TGFB2: variants seen among roughly 807,000 people sequenced by gnomAD.
The protein encoded by TGFB2 is transforming growth factor beta-2 proprotein.
In TGFB2, 13 loss-of-function variants were observed where a neutral mutation model predicts 42.7. The observed-to-expected ratio is 0.30, with a 90% CI of 0.20 to 0.48. The LOEUF is 0.48. Among genes scored for constraint, TGFB2 ranks in the 20% least tolerant of loss-of-function variants. TGFB2 has a pLI of 0.99. For synonymous variants in TGFB2, 193 were observed against 193.6 expected, an observed-to-expected ratio of 1.00 and a Z score of 0.03; for missense variants, 390 against 517.5, an observed-to-expected ratio of 0.75 and a Z score of 2.39.
At chr1:218,412,851 A>T (rs1659145115) in intron 2 of TGFB2, among the ~76,000 whole-genome samples, 1 of 152,204 alleles carries the variant, frequency 6.6e-6, no homozygotes, top group Non-Finnish European at 1.5e-5. Context: ...GCTTCAGAGC[A>T]CTGAATAAAG....
Position 218,368,366 on chromosome 1 carries a change from A to C in TGFB2, c.346+21319A>C, listed in dbSNP as rs146917155. Among the ~76,000 whole-genome samples the C allele has an allele frequency of 8.8e-3, 1,296 of 146,620 alleles. 18 individuals carry two copies. The highest frequency in any genetic ancestry group is 0.031 in the African/African-American group (1,224 of 39,624). On this transcript the variant is annotated intron_variant, in intron 1 of 6. Coordinates refer to ENST00000366930, the MANE Select transcript of TGFB2 (RefSeq NM_003238.6). ...TGGCCCCACTGGTCTCGAACTCCTA[A>C]ACTCAGGTGATCCACCCACCTTGGC...
At chr1:218,430,993 T>C (rs150914288) in intron 2 of TGFB2, among the ~76,000 whole-genome samples, 4 of 152,340 alleles carry the variant, frequency 2.6e-5, no homozygotes, top group African/African-American at 9.6e-5. Context: ...TGTTTCCTGT[T>C]TCCACTAAGG....
Position 218,352,478 on chromosome 1 carries a change from C to T in TGFB2, c.346+5431C>T, listed in dbSNP as rs1656901828. 2.0e-5 allele frequency among the ~76,000 whole-genome samples: 3 copies of T among 152,138 alleles called. No individual in the cohort carries two copies. The South Asian group carries it at 6.2e-4, about 32-fold the overall frequency. On this transcript the variant is annotated intron_variant, in intron 1 of 6. Coordinates refer to ENST00000366930, the MANE Select transcript of TGFB2 (RefSeq NM_003238.6). ...TTTTAACCTGGGAATTCAACGTTCT[C>T]CAGGTATTTTATTTTAGATTTAATA... is the stretch of plus-strand genomic sequence containing the variant.
At chr1:218,438,008 T>C (rs760317367) in intron 6 of TGFB2, among the ~76,000 whole-genome samples, 4 of 152,180 alleles carry the variant, frequency 2.6e-5, no homozygotes, top group Admixed American at 6.5e-5. Context: ...CTCTTCTAGT[T>C]ACTTTAAAAT....
chr1:218,435,311 G>A (rs1378877698), intron 4 of TGFB2, among the ~76,000 whole-genome samples: 2 of 152,222 alleles, frequency 1.3e-5, no homozygotes, highest in Non-Finnish European at 2.9e-5. Context: ...ATTCTCTGGA[G>A]TGTGGAGATT....
chr1:218,400,356 C>T (rs1658674239), intron 1 of TGFB2, among the ~76,000 whole-genome samples: 2 of 152,130 alleles, frequency 1.3e-5, no homozygotes, highest in South Asian at 2.1e-4. Context: ...ATATTGTGCT[C>T]ACTTGGGCAT....
chr1:218,386,314 G>A (rs1406695550), intron 1 of TGFB2, among the ~76,000 whole-genome samples: 1 of 152,176 alleles, frequency 6.6e-6, no homozygotes, highest in East Asian at 1.9e-4. Flanking sequence ...GGTGGGGATT[G>A]GAAATTATCT....
At chr1:218,436,832 A>T (rs1333800134) in intron 5 of TGFB2, among the ~76,000 whole-genome samples, 4 of 152,100 alleles carry the variant, frequency 2.6e-5, no homozygotes, top group Admixed American at 1.3e-4. Context: ...CCTCAGCAAG[A>T]CTCCATGTTT....
chr1:218,362,862 G>A lies in TGFB2; in HGVS notation c.346+15815G>A, dbSNP rs185316500. On this transcript the variant is annotated intron_variant, in intron 1 of 6. Transcript: ENST00000366930. The stretch of plus-strand genomic sequence containing the variant: ...TCACTTGTATTTTTGACTCATTCAA[G>A]AAGGAGTTTTCACATGCGGGTTAGA... Among the ~76,000 whole-genome samples the A allele has an allele frequency of 2.0e-3, 302 of 152,308 alleles. No homozygotes were observed. In the Middle Eastern group the frequency reaches 0.02, roughly 10 times the overall value.
chr1:218,422,481 A>G (rs1014242429), intron 2 of TGFB2, among the ~76,000 whole-genome samples: 3 of 152,134 alleles, frequency 2.0e-5, no homozygotes, highest in Non-Finnish European at 4.4e-5. Context: ...TCAGCGTCCC[A>G]TAGTGCTGAG....
At chr1:218,436,311 A>T (rs1212570434) in intron 5 of TGFB2, among the ~76,000 whole-genome samples, 164 bp downstream of exon 5, 1 of 152,210 alleles carries the variant, frequency 6.6e-6, no homozygotes, top group Admixed American at 6.5e-5. Flanking sequence ...CCAGAGGCTT[A>T]TATTCATCAG....
intron 2 of TGFB2, among the ~76,000 whole-genome samples, chr1:218,413,992 G>C (rs1659188003): frequency 6.6e-6 from 1 of 152,168 alleles, no homozygotes; most frequent in African/African-American, 2.4e-5. Flanking sequence ...GTAGTGGGGG[G>C]AGTGAATCAT....
At chr1:218,379,413 C>T (rs1051332425) in intron 1 of TGFB2, among the ~76,000 whole-genome samples, 18 of 151,484 alleles carry the variant, frequency 1.2e-4, no homozygotes, top group African/African-American at 3.9e-4. Context: ...GGATTACAGG[C>T]GTGAGCCACC....
In TGFB2 at chr1:218,443,227, T is replaced by C. The variant is rs1558267522; in HGVS notation, c.*1865T>C. 6.6e-6 allele frequency: 1 copy of C among 152,220 alleles called. No individual in the cohort carries two copies. Among genetic ancestry groups the C allele is most frequent in the South Asian group, 2.1e-4 (1 of 4,834 alleles). The allele number at this position is 152,220 out of a possible 1,614,324, so 9.4% of individuals were successfully genotyped here. ...TTGCTTTAATAAATAATTTGCCACA[T>C]CATTGCAGAAGAGGTATCCTCATGC... On this transcript the variant is annotated 3_prime_UTR_variant, in exon 7 of 7. Transcript: ENST00000366930.
At chr1:218,354,530 A>G (rs1206951125) in intron 1 of TGFB2, among the ~76,000 whole-genome samples, 1 of 152,216 alleles carries the variant, frequency 6.6e-6, no homozygotes, top group African/African-American at 2.4e-5. Context: ...TGTACTCTTT[A>G]ATACTCACAA....
intron 1 of TGFB2, among the ~76,000 whole-genome samples, chr1:218,368,237 C>T (rs563485973): frequency 6.6e-6 from 1 of 152,090 alleles, no homozygotes; most frequent in Non-Finnish European, 1.5e-5. Flanking sequence ...CTCCACCACC[C>T]GGGTTCAAGC....
chr1:218,369,267 A>G (rs1229848552), intron 1 of TGFB2, among the ~76,000 whole-genome samples: 5 of 94,398 alleles, frequency 5.3e-5, no homozygotes, highest in Non-Finnish European at 1.2e-4. Context: ...AAAAAAAAAA[A>G]AAAAAAAAAA....
At chr1:218,376,982 C>T (rs1447046209) in intron 1 of TGFB2, among the ~76,000 whole-genome samples, 1 of 152,142 alleles carries the variant, frequency 6.6e-6, no homozygotes, top group Non-Finnish European at 1.5e-5. Context: ...CAGCCTTGAC[C>T]TCCTGGGCTC....
chr1:218,354,769 C>T (rs766597388), intron 1 of TGFB2, among the ~76,000 whole-genome samples: 3 of 152,218 alleles, frequency 2.0e-5, no homozygotes, highest in Non-Finnish European at 4.4e-5. Context: ...ACAAGAATTA[C>T]ATTCACAAGC....
Sources: allele counts gnomAD v4.1 joint callset (sites outside exome capture counted in the v4.1 genomes callset), GRCh38; gene constraint gnomAD v4.1.1; transcripts MANE v1.5; gene names NCBI Gene and HGNC (gene_info 2026-07-23, HGNC 2026-07-21).